SLC5A8: variants seen among roughly 807,000 people sequenced by gnomAD.
SLC5A8 encodes the protein sodium-coupled monocarboxylate transporter 1.
In SLC5A8, 55 loss-of-function variants were observed where a neutral mutation model predicts 71.9. The observed-to-expected ratio is 0.77, with a 90% CI of 0.62 to 0.96. The LOEUF (loss-of-function observed/expected upper bound fraction) is 0.96. Ranked by LOEUF, SLC5A8 falls within the 40% of genes least tolerant of loss-of-function variation. SLC5A8 has a pLI of 0.00. For missense variants in SLC5A8, 701 were observed against 745.3 expected, an observed-to-expected ratio of 0.94 and a Z score of 0.69; for synonymous variants, 307 against 276.1, an observed-to-expected ratio of 1.11 and a Z score of -1.11.
At position 101,168,904 on chromosome 12, in the gene SLC5A8, G is replaced by T. The variant is rs912459983; in HGVS notation, c.1234-722C>A. 4.6e-5 allele frequency among the ~76,000 whole-genome samples: 7 copies of T among 152,318 alleles called. No individual in the cohort carries two copies. In the South Asian group the frequency reaches 1.2e-3, roughly 27 times the overall value. The stretch of plus-strand genomic sequence containing the variant: ...AAGAAGAGCAGGGAATCACTGGTTT[G>T]TCCAGAGAGTAAAGGGGTTTAATAG... On this transcript the variant is annotated intron_variant, in intron 10 of 14. Transcript: ENST00000536262.
At chr12:101,207,546 G>C (rs1234900775) in intron 1 of SLC5A8, among the ~76,000 whole-genome samples, 2 of 152,184 alleles carry the variant, frequency 1.3e-5, no homozygotes, top group African/African-American at 4.8e-5. Context: ...AGGGAAATCT[G>C]TTTCTGCTTG....
intron 9 of SLC5A8, among the ~76,000 whole-genome samples, chr12:101,181,349 A>G (rs2051931245): frequency 6.6e-6 from 1 of 152,204 alleles, no homozygotes; most frequent in South Asian, 2.1e-4. Flanking sequence ...TGGGAATTCA[A>G]AGTTATTGGA....
chr12:101,181,459 G>A (rs778226226), intron 9 of SLC5A8, among the ~76,000 whole-genome samples: 8 of 152,086 alleles, frequency 5.3e-5, no homozygotes, highest in Non-Finnish European at 1.2e-4. Flanking sequence ...TGAAAGTCTC[G>A]TCTATATTAG....
rs917330187 is a variant in SLC5A8, at chr12:101,195,018, C to T, written c.537+77G>A. ...GAGTAAGTGTGGACAAACAAGATTG[C>T]GGTATACAACAACTGGAATTTTCAA... On this transcript the variant is annotated intron_variant, in intron 4 of 14. Transcript: ENST00000536262. 1.7e-5 allele frequency: 24 copies of T among 1,388,188 alleles called. 1 individual carries two copies. Among genetic ancestry groups the T allele is most frequent in the South Asian group, 6.1e-5 (5 of 81,966 alleles). 86.0% of individuals were successfully genotyped at this position (1,388,188 alleles called of 1,614,324 possible).
In SLC5A8 at chr12:101,168,830, C is replaced by T. The variant is rs368285357; in HGVS notation, c.1234-648G>A. Among the ~76,000 whole-genome samples the T allele has an allele frequency of 9.2e-5, 14 of 152,158 alleles. No individual in the cohort carries two copies. The East Asian group carries it at 2.1e-3, about 23-fold the overall frequency. The stretch of plus-strand genomic sequence containing the variant: ...CTAAATGAAGCTTCCAAGAGATATA[C>T]GTTCCCAATAATCTAATGCCCAGTT... On this transcript the variant is annotated intron_variant, in intron 10 of 14. Coordinates refer to ENST00000536262, the MANE Select transcript of SLC5A8 (RefSeq NM_145913.5).
chr12:101,176,129 G>A (rs1257565544), intron 10 of SLC5A8, among the ~76,000 whole-genome samples: 1 of 151,890 alleles, frequency 6.6e-6, no homozygotes, highest in Non-Finnish European at 1.5e-5. Context: ...TAGCAACATA[G>A]GTGGTTCAAA....
Position 101,168,164 on chromosome 12 carries a change from C to A in SLC5A8, c.1252G>T (p.Gly418Cys), listed in dbSNP as rs779815699. 2 of 1,607,428 alleles carry A rather than the reference C, an allele frequency of 1.2e-6. No individual in the cohort carries two copies. Among genetic ancestry groups the A allele is most frequent in the East Asian group, 2.2e-5 (1 of 44,758 alleles). ...ALLQAALSVF[G>C]MVGGPLMGLF... Reference sequence around the variant, plus strand: ...CCCATAAGTGGTCCACCAACCATACCAAATACGCTGAGTGCTGCCTACAAA... The same window carrying A: ...CCCATAAGTGGTCCACCAACCATACAAAATACGCTGAGTGCTGCCTACAAA... Residue 418 changes from glycine to cysteine, a missense_variant, in exon 11 of 15, where the codon GGT (glycine) becomes TGT (cysteine). Physicochemically the swap from Gly to Cys is radical, Grantham distance 159 (BLOSUM62 -3). Transcript: ENST00000536262.
chr12:101,184,504 T>C (rs1452787235), intron 7 of SLC5A8, among the ~76,000 whole-genome samples: 1 of 152,232 alleles, frequency 6.6e-6, no homozygotes, highest in East Asian at 1.9e-4. Context: ...GTAATAATAC[T>C]AACCTCATAG....
In SLC5A8 at chr12:101,159,440, T is replaced by C. The variant is rs368853725; in HGVS notation, c.1631-1112A>G. On this transcript the variant is annotated intron_variant, in intron 13 of 14. Coordinates refer to ENST00000536262, the MANE Select transcript of SLC5A8 (RefSeq NM_145913.5). ...GATGAAAACATAGCCTTCTGCATAG[T>C]AAAAATCAGGGGAGTGCTGAAACGC... Among the ~76,000 whole-genome samples, 102 of 152,256 alleles carry C rather than the reference T, an allele frequency of 6.7e-4. 2 individuals are homozygous for C. The highest frequency in any genetic ancestry group is 2.4e-3 in the African/African-American group (101 of 41,558).
intron 10 of SLC5A8, among the ~76,000 whole-genome samples, chr12:101,172,530 C>T (rs548808156): frequency 7.2e-5 from 11 of 152,174 alleles, no homozygotes; most frequent in South Asian, 4.1e-4. Flanking sequence ...CTGGACTGGG[C>T]CTCATCCCGT....
intron 10 of SLC5A8, among the ~76,000 whole-genome samples, chr12:101,169,017 A>G (rs894977345): frequency 6.6e-6 from 1 of 152,220 alleles, no homozygotes; most frequent in Non-Finnish European, 1.5e-5. Flanking sequence ...TGTTTTAAAT[A>G]GGCCTACTTC....
At chr12:101,189,999 C>A (rs1356715601) in intron 6 of SLC5A8, among the ~76,000 whole-genome samples, 3 of 152,164 alleles carry the variant, frequency 2.0e-5, no homozygotes, top group African/African-American at 7.2e-5. Context: ...ACTCAAATAG[C>A]AAATATTAGA....
intron 6 of SLC5A8, among the ~76,000 whole-genome samples, chr12:101,189,879 C>T (rs1868821657): frequency 6.6e-6 from 1 of 152,180 alleles, no homozygotes; most frequent in South Asian, 2.1e-4. Context: ...CATGCGTATG[C>T]CAAACACAGT....
intron 3 of SLC5A8, among the ~76,000 whole-genome samples, chr12:101,196,909 G>A (rs1180654519): frequency 6.6e-6 from 1 of 152,154 alleles, no homozygotes; most frequent in East Asian, 1.9e-4. Context: ...TGGGGACTGA[G>A]GTATTGGTAT....
In SLC5A8 at chr12:101,210,229, G is replaced by C; in HGVS notation, c.-381C>G. The C allele has an allele frequency of 4.3e-6, 1 of 232,370 alleles. No individual in the cohort carries two copies. Among genetic ancestry groups the C allele is most frequent in the Non-Finnish European group, 8.3e-6 (1 of 121,070 alleles). 14.4% of individuals were successfully genotyped at this position (232,370 alleles called of 1,614,324 possible). ...ATCTACACAGGGAGCGCTCTGGGCA[G>C]GTTTTGTTCAAGTGGTACCCGAGGG... On this transcript the variant is annotated 5_prime_UTR_variant, in exon 1 of 15. Transcript: ENST00000536262.
rs977239938 is a variant in SLC5A8 at position 101,195,111 on chromosome 12, G to A, written c.521C>T (p.Thr174Ile). 6.2e-7 allele frequency: 1 copy of A among 1,614,130 alleles called. No homozygotes were observed. Among genetic ancestry groups the A allele is most frequent in the Middle Eastern group, 1.7e-4 (1 of 6,060 alleles). ...GAVVATGVVC[T>I]FYCTLGGLKA... ...TGGACGTACCAGTGTGCAGTAGAAT[G>A]TGCAGACCACCCCCGTTGCCACTAC... Residue 174 changes from threonine to isoleucine, a missense_variant, in exon 4 of 15, where the codon ACA (threonine) becomes ATA (isoleucine). Transcript: ENST00000536262.
Position 101,166,368 on chromosome 12 carries a change from A to G in SLC5A8, c.1526+126T>C, listed in dbSNP as rs1213916649. 10 of 690,622 alleles carry G rather than the reference A, an allele frequency of 1.4e-5. No homozygotes were observed. The South Asian group carries it at 2.3e-4, about 16-fold the overall frequency. 42.8% of individuals were successfully genotyped at this position (690,622 alleles called of 1,614,324 possible). On this transcript the variant is annotated intron_variant, in intron 12 of 14. Transcript: ENST00000536262. The stretch of plus-strand genomic sequence containing the variant: ...TGCAGAAAATACTATAGCTAACCAC[A>G]TGGGTTTTACTCATTTCAGAATTAG...
At chr12:101,209,355 G>T in intron 1 of SLC5A8, 143 bp downstream of exon 1, 4 of 656,918 alleles carry the variant, frequency 6.1e-6, no homozygotes, top group Admixed American at 6.0e-5. Context: ...ACGGGGAGGA[G>T]TGAAGGGAGG....
At chr12:101,206,054 T>A (rs1341667441) in intron 1 of SLC5A8, among the ~76,000 whole-genome samples, 1 of 152,212 alleles carries the variant, frequency 6.6e-6, no homozygotes, top group African/African-American at 2.4e-5. Flanking sequence ...CTCTTTAAAA[T>A]GAGGGGCATA....
Sources: allele counts gnomAD v4.1 joint callset (sites outside exome capture counted in the v4.1 genomes callset), GRCh38; gene constraint gnomAD v4.1.1; transcripts MANE v1.5; gene names NCBI Gene and HGNC (gene_info 2026-07-23, HGNC 2026-07-21).